The following ZDHHC3 variants were observed in gnomAD, a reference collection of about 807,000 sequenced individuals.
ZDHHC3 encodes the protein palmitoyltransferase ZDHHC3.
Under a neutral mutation model 30.6 loss-of-function variants are expected in ZDHHC3, and 9 were observed. The ratio of observed to expected loss-of-function variants is 0.29; its 90% CI spans 0.18 to 0.51. The LOEUF (loss-of-function observed/expected upper bound fraction) is 0.51, where lower values mean the gene tolerates loss of function less well. Ranked by LOEUF, ZDHHC3 falls within the 20% of genes least tolerant of loss-of-function variation. The pLI, the probability that ZDHHC3 is intolerant of heterozygous loss-of-function variation, is 0.97. For synonymous variants in ZDHHC3, 136 were observed against 140.2 expected, an observed-to-expected ratio of 0.97 and a Z score of 0.21; for missense variants, 246 against 384.2, an observed-to-expected ratio of 0.64 and a Z score of 3.01.
At chr3:44,957,110 C>A (rs761519217) in intron 2 of ZDHHC3, among the ~76,000 whole-genome samples, 8 of 152,190 alleles carry the variant, frequency 5.3e-5, no homozygotes, top group Admixed American at 5.2e-4. Context: ...TCAAAAGGCA[C>A]CACCTCAGAG....
In ZDHHC3 at chr3:44,923,964, A is replaced by T. The variant is rs145132997; in HGVS notation, c.*2725T>A. ...ATTTGCTTGGATCTAAGCCTTTTGCATATTCAGTCTAGTTGCTATGAACAC... is the reference window on the plus strand; with the variant it reads ...ATTTGCTTGGATCTAAGCCTTTTGCTTATTCAGTCTAGTTGCTATGAACAC... On this transcript the variant is annotated 3_prime_UTR_variant, in exon 7 of 7. Transcript: ENST00000424952. The T allele has an allele frequency of 2.1e-4, 207 of 985,490 alleles. 1 individual carries two copies. In the African/African-American group the frequency reaches 2.5e-3, roughly 12 times the overall value. The allele number at this position is 985,490 out of a possible 1,614,324, so 61.0% of individuals were successfully genotyped here.
intron 1 of ZDHHC3, among the ~76,000 whole-genome samples, chr3:44,967,540 G>GA (rs146141569): frequency 0.061 from 9,298 of 151,448 alleles, 327 homozygotes; most frequent in Middle Eastern, 0.12. Context: ...TTAATTGGGG[G>GA]AAAAAAAAGA....
chr3:44,937,764 G>A, intron 3 of ZDHHC3: 1 of 323,458 alleles, frequency 3.1e-6, no homozygotes, highest in Non-Finnish European at 6.2e-6. Flanking sequence ...GGGCCCCCAA[G>A]ATTGCACCCG....
chr3:44,972,296 C>T (rs1199267574), intron 1 of ZDHHC3, among the ~76,000 whole-genome samples: 1 of 152,176 alleles, frequency 6.6e-6, no homozygotes, highest in African/African-American at 2.4e-5. Context: ...AACCCAGTCT[C>T]TACCAAAAAT....
At chr3:44,932,964 C>A (rs774737393) in intron 5 of ZDHHC3, 154 bp downstream of exon 5, 4 of 1,614,094 alleles carry the variant, frequency 2.5e-6, no homozygotes, top group Admixed American at 3.3e-5. Flanking sequence ...CCAGTCTCTG[C>A]CATTTCTTCC....
At position 44,921,237 on chromosome 3, in the gene ZDHHC3, G is replaced by C. The variant is rs1447119537; in HGVS notation, c.*5452C>G. 23 of 984,080 alleles carry C rather than the reference G, an allele frequency of 2.3e-5. No homozygotes were observed. The highest frequency in any genetic ancestry group is 2.7e-5 in the Non-Finnish European group (22 of 829,620). 61.0% of individuals were successfully genotyped at this position (984,080 alleles called of 1,614,324 possible). A position where few individuals can be genotyped will look rare whatever the true frequency, so the allele number is the denominator to read the frequency against. ...AGGACTAAGGCTCCCGAGGAAGGAAGAGTCTGTGCAGAACAGACTCAGCTG... is the reference window on the plus strand; with the variant it reads ...AGGACTAAGGCTCCCGAGGAAGGAACAGTCTGTGCAGAACAGACTCAGCTG... On this transcript the variant is annotated 3_prime_UTR_variant, in exon 7 of 7. Transcript: ENST00000424952.
intron 3 of ZDHHC3, among the ~76,000 whole-genome samples, chr3:44,934,189 G>A (rs1018026569): frequency 6.6e-6 from 1 of 152,182 alleles, no homozygotes. Context: ...AACGGGTACA[G>A]AGTCATTCTC....
chr3:44,931,858 T>C (rs1701518399), intron 5 of ZDHHC3, among the ~76,000 whole-genome samples: 1 of 152,200 alleles, frequency 6.6e-6, no homozygotes, highest in African/African-American at 2.4e-5. Context: ...ATCTGCAAAG[T>C]GGGAAGCATC....
Position 44,959,331 on chromosome 3 carries a change from T to C in ZDHHC3, c.106A>G (p.Met36Val). The C allele has an allele frequency of 6.2e-7, 1 of 1,614,180 alleles. No homozygotes were observed. The highest frequency in any genetic ancestry group is 8.5e-7 in the Non-Finnish European group (1 of 1,180,024). The part of the protein sequence containing the change: ...PPPYPGPVGT[M>V]WFIRDGCGIA... ...CCACAGCCGTCACGGATAAACCACA[T>C]GGTTCCCACAGGACCAGGGTAGGGG... Residue 36 changes from methionine (M) to valine (V), a missense_variant, in exon 2 of 7, where the codon ATG becomes GTG. Met to Val is a conservative substitution (Grantham distance 21, BLOSUM62 1). Coordinates refer to ENST00000424952, the MANE Select transcript of ZDHHC3 (RefSeq NM_001135179.2). The surrounding 1 kb of genome is among the most constrained non-coding windows in gnomAD (Gnocchi z 4.3).
rs1045605557 is a variant in ZDHHC3 at position 44,925,931 on chromosome 3, C to T, written c.*758G>A. ...GCCTGAAATTGTGTAATTTTTTTTC[C>T]TCTTGATTGTATAAGGCATTTTGAA... On this transcript the variant is annotated 3_prime_UTR_variant, in exon 7 of 7. Transcript: ENST00000424952. The T allele has an allele frequency of 9.1e-6, 9 of 985,590 alleles. No individual in the cohort carries two copies. Among genetic ancestry groups the T allele is most frequent in the Non-Finnish European group, 1.1e-5 (9 of 829,904 alleles). The allele number at this position is 985,590 out of a possible 1,614,324, so 61.1% of individuals were successfully genotyped here.
chr3:44,924,409 C>A lies in ZDHHC3; in HGVS notation c.*2280G>T. The stretch of plus-strand genomic sequence containing the variant: ...GGGTATTCCTATCTTCTGAGAGCAA[C>A]TGGTTTGAGAGCTCAGAAACATTGA... On this transcript the variant is annotated 3_prime_UTR_variant, in exon 7 of 7. Transcript: ENST00000424952. 1 of 985,432 alleles carries A rather than the reference C, an allele frequency of 1.0e-6. No homozygotes were observed. Among genetic ancestry groups the A allele is most frequent in the Non-Finnish European group, 1.2e-6 (1 of 829,928 alleles). 61.0% of individuals were successfully genotyped at this position (985,432 alleles called of 1,614,324 possible).
At chr3:44,950,302 A>G (rs1221889383) in intron 2 of ZDHHC3, among the ~76,000 whole-genome samples, 1 of 152,190 alleles carries the variant, frequency 6.6e-6, no homozygotes, top group Non-Finnish European at 1.5e-5. Flanking sequence ...GTTTTCCTAA[A>G]TTATGGCCCA....
intron 3 of ZDHHC3, among the ~76,000 whole-genome samples, chr3:44,943,177 T>C (rs1235448886): frequency 1.3e-5 from 2 of 152,160 alleles, no homozygotes; most frequent in African/African-American, 2.4e-5. Context: ...CAGAAAAACA[T>C]ACATACAACT....
intron 2 of ZDHHC3, among the ~76,000 whole-genome samples, chr3:44,953,247 T>C (rs927730874): frequency 8.5e-5 from 13 of 152,232 alleles, no homozygotes; most frequent in African/African-American, 2.9e-4. Flanking sequence ...CTAGAACCTA[T>C]GTCACTATCA....
At chr3:44,971,789 C>G (rs115686454) in intron 1 of ZDHHC3, among the ~76,000 whole-genome samples, 297 of 152,314 alleles carry the variant, frequency 1.9e-3, no homozygotes, top group Non-Finnish European at 3.4e-3. Flanking sequence ...ATTTTTCTAT[C>G]ACTGTAATCT....
intron 1 of ZDHHC3, among the ~76,000 whole-genome samples, chr3:44,965,848 C>T (rs1204886523): frequency 2.0e-5 from 3 of 152,188 alleles, no homozygotes; most frequent in East Asian, 1.9e-4. Flanking sequence ...AGTAGTTCAG[C>T]CAGATCTAAA....
Position 44,923,224 on chromosome 3 carries a change from T to C in ZDHHC3, c.*3465A>G. On this transcript the variant is annotated 3_prime_UTR_variant, in exon 7 of 7. Coordinates refer to ENST00000424952, the MANE Select transcript of ZDHHC3 (RefSeq NM_001135179.2). ...CCAAGTAGCTGGGACTACAGACGCCTGCCACCACGCCCAGCTAATTTTTTT... is the reference window on the plus strand; with the variant it reads ...CCAAGTAGCTGGGACTACAGACGCCCGCCACCACGCCCAGCTAATTTTTTT... 1.2e-6 allele frequency: 1 copy of C among 813,708 alleles called. No individual in the cohort carries two copies. The highest frequency in any genetic ancestry group is 5.6e-5 in the South Asian group (1 of 17,738). 50.4% of individuals were successfully genotyped at this position (813,708 alleles called of 1,614,324 possible).
intron 1 of ZDHHC3, among the ~76,000 whole-genome samples, chr3:44,960,099 T>A (rs1704341440): frequency 6.6e-6 from 1 of 152,156 alleles, no homozygotes; most frequent in South Asian, 2.1e-4. Flanking sequence ...AGAACCTAGG[T>A]CTCCTTAGTT....
Position 44,959,446 on chromosome 3 carries a change from T to C in ZDHHC3, c.-10A>G, listed in dbSNP as rs748101528. 1 of 1,606,056 alleles carries C rather than the reference T, an allele frequency of 6.2e-7. No individual in the cohort carries two copies. The highest frequency in any genetic ancestry group is 8.5e-7 in the Non-Finnish European group (1 of 1,173,578). On this transcript the variant is annotated 5_prime_UTR_variant, in exon 2 of 7. Transcript: ENST00000424952. The surrounding 1 kb of genome is among the most constrained non-coding windows in gnomAD (Gnocchi z 4.3). The stretch of plus-strand genomic sequence containing the variant: ...TGGGGATAAGCATCATAAGCTATTC[T>C]GTCCATACTGGCATCTGAAAGAGAG...
Sources: allele counts gnomAD v4.1 joint callset (sites outside exome capture counted in the v4.1 genomes callset), GRCh38; gene constraint gnomAD v4.1.1; non-coding constraint Gnocchi (gnomAD v3.1); transcripts MANE v1.5; gene names NCBI Gene and HGNC (gene_info 2026-07-23, HGNC 2026-07-21).